HSD17B2: variants seen among roughly 807,000 people sequenced by gnomAD.
HSD17B2 encodes hydroxysteroid 17-beta dehydrogenase 2.
A neutral mutation model predicts 26.9 loss-of-function variants in HSD17B2; 32 were observed. The ratio of observed to expected loss-of-function variants is 1.19; its 90% CI spans 0.90 to 1.60. HSD17B2 has a LOEUF of 1.60. Ranked by LOEUF, HSD17B2 falls within the 40% of genes most tolerant of loss-of-function variation. HSD17B2 has a pLI of 0.00. For missense variants in HSD17B2, 613 were observed against 468.6 expected (o/e 1.31, Z -2.85); for synonymous variants, 246 against 186.7 (o/e 1.32, Z -2.59).
At chr16:82,093,429 T>C (rs1207742465) in intron 4 of HSD17B2, 2 of 152,230 alleles carry the variant, frequency 1.3e-5, no homozygotes, top group Non-Finnish European at 2.9e-5. Context: ...CTGCACTGTG[T>C]GTAGCTGTAG....
chr16:82,075,816 G>A (rs1007148478), intron 3 of HSD17B2, among the ~76,000 whole-genome samples: 12 of 150,466 alleles, frequency 8.0e-5, no homozygotes, highest in African/African-American at 2.4e-4. Flanking sequence ...GATTGTACTC[G>A]AGTATTCTGA....
At chr16:82,060,535 G>T (rs1914404390) in intron 1 of HSD17B2, among the ~76,000 whole-genome samples, 1 of 152,180 alleles carries the variant, frequency 6.6e-6, no homozygotes, top group Admixed American at 6.5e-5. Flanking sequence ...GGGTTTTCAG[G>T]TACAATCTCC....
intron 4 of HSD17B2, chr16:82,096,496 T>C (rs1419012055): frequency 6.6e-6 from 1 of 152,200 alleles, no homozygotes; most frequent in Non-Finnish European, 1.5e-5. Context: ...AGTGCTGGGA[T>C]TGCAGGCATG....
chr16:82,057,192 C>CTCTTT (rs772816676), intron 1 of HSD17B2, among the ~76,000 whole-genome samples: 3 of 151,436 alleles, frequency 2.0e-5, no homozygotes, highest in Non-Finnish European at 4.4e-5. Context: ...TCCCCACTTT[C>CTCTTT]TCTTTTCTTT....
At chr16:82,093,980 A>G (rs1169665513) in intron 4 of HSD17B2, 1 of 152,206 alleles carries the variant, frequency 6.6e-6, no homozygotes, top group African/African-American at 2.4e-5. Flanking sequence ...AGTGTCTTTT[A>G]GCATGCTAAT....
intron 1 of HSD17B2, among the ~76,000 whole-genome samples, chr16:82,049,008 T>G (rs1376912165): frequency 6.6e-6 from 1 of 152,202 alleles, no homozygotes; most frequent in Admixed American, 6.5e-5. Context: ...TCCTGGCTAC[T>G]TTCTGGGCTG....
At chr16:82,071,526 T>C in intron 3 of HSD17B2, 1 of 315,730 alleles carries the variant, frequency 3.2e-6, no homozygotes, top group Non-Finnish European at 6.1e-6. Flanking sequence ...GAGTAGGCAA[T>C]ACCTTCCCTC....
intron 1 of HSD17B2, among the ~76,000 whole-genome samples, chr16:82,047,826 G>A (rs7201121): frequency 0.1 from 15,687 of 152,162 alleles, 2,516 homozygotes; most frequent in African/African-American, 0.34. Flanking sequence ...GCTCCATGCA[G>A]GGAGGCACTA....
intron 1 of HSD17B2, chr16:82,056,427 C>T (rs1914270620): frequency 6.6e-6 from 1 of 152,094 alleles, no homozygotes; most frequent in South Asian, 2.1e-4. Flanking sequence ...ATTAACCAAG[C>T]CACAGGAAAA....
chr16:82,054,955 CT>C (rs1914221667), intron 1 of HSD17B2, among the ~76,000 whole-genome samples: 2 of 152,240 alleles, frequency 1.3e-5, no homozygotes, highest in Non-Finnish European at 1.5e-5. Context: ...CCTCGGCTCT[CT>C]TAACATTTGA....
At chr16:82,083,904 C>G (rs991075546) in intron 3 of HSD17B2, among the ~76,000 whole-genome samples, 1 of 152,136 alleles carries the variant, frequency 6.6e-6, no homozygotes, top group African/African-American at 2.4e-5. Context: ...AAATATTTAA[C>G]CAAGTATCAG....
At position 82,091,038 on chromosome 16, in the gene HSD17B2, A is replaced by G; in HGVS notation, c.801A>G (p.Thr267=). 6.2e-7 allele frequency: 1 copy of G among 1,613,844 alleles called. No homozygotes were observed. Among genetic ancestry groups the G allele is most frequent in the Non-Finnish European group, 8.5e-7 (1 of 1,179,814 alleles). The change falls in exon 4 of 5, where the codon ACA becomes ACG. Residue 267 remains threonine (T), a splice_region_variant and synonymous_variant. Coordinates refer to ENST00000199936, the MANE Select transcript of HSD17B2 (RefSeq NM_002153.3). ...VASIQPGGFL[T]NIAGTSDKWE... ...CCATCCAACCTGGAGGCTTCCTAACAAGTAGGTTTCTGAGCCCAAGAACCT... is the reference window on the plus strand; with the variant it reads ...CCATCCAACCTGGAGGCTTCCTAACGAGTAGGTTTCTGAGCCCAAGAACCT...
At position 82,085,915 on chromosome 16, in the gene HSD17B2, C is replaced by T. The variant is rs917540468; in HGVS notation, c.665-4987C>T. Among the ~76,000 whole-genome samples the T allele has an allele frequency of 4.6e-5, 7 of 151,762 alleles. No individual in the cohort carries two copies. In the South Asian group the frequency reaches 6.2e-4, roughly 14 times the overall value. ...CCCCTAAAATGGCCGTAATGAAAAA[C>T]CACCATAATATAATATACACCCTAA... On this transcript the variant is annotated intron_variant, in intron 3 of 4. Coordinates refer to ENST00000199936, the MANE Select transcript of HSD17B2 (RefSeq NM_002153.3).
Position 82,035,304 on chromosome 16 carries a change from G to C in HSD17B2, c.-121G>C. 1 of 838,688 alleles carries C rather than the reference G, an allele frequency of 1.2e-6. No homozygotes were observed. Among genetic ancestry groups the C allele is most frequent in the South Asian group, 1.7e-5 (1 of 59,314 alleles). The allele number at this position is 838,688 out of a possible 1,614,324, so 52.0% of individuals were successfully genotyped here. ...ATCTATGCTCAGTTGAAAGGGGCTGGGGCTGCTTTCTCCCCTCCCTTCTTG... is the reference window on the plus strand; with the variant it reads ...ATCTATGCTCAGTTGAAAGGGGCTGCGGCTGCTTTCTCCCCTCCCTTCTTG... On this transcript the variant is annotated 5_prime_UTR_variant, in exon 1 of 5. Coordinates refer to ENST00000199936, the MANE Select transcript of HSD17B2 (RefSeq NM_002153.3).
Position 82,068,372 on chromosome 16 carries a change from G to A in HSD17B2, c.468G>A (p.Leu156=). The change falls in exon 2 of 5, where the codon CTG becomes CTA. Residue 156 remains leucine, a synonymous_variant. Transcript: ENST00000199936. ...KDAYSKVAAM[L]QDRGLWAVIN... The stretch of plus-strand genomic sequence containing the variant: ...CTTACAGCAAGGTTGCAGCAATGCT[G>A]CAGGACAGAGGTACTGCCGCCAGCA... 6.2e-7 allele frequency: 1 copy of A among 1,611,396 alleles called. No individual in the cohort carries two copies. The highest frequency in any genetic ancestry group is 8.5e-7 in the Non-Finnish European group (1 of 1,179,298).
At chr16:82,084,739 G>A (rs1168190124) in intron 3 of HSD17B2, among the ~76,000 whole-genome samples, 1 of 152,112 alleles carries the variant, frequency 6.6e-6, no homozygotes, top group Admixed American at 6.5e-5. Flanking sequence ...AAGAGTTGAA[G>A]ATAAACCCCT....
intron 3 of HSD17B2, among the ~76,000 whole-genome samples, chr16:82,084,409 G>C (rs1904464479): frequency 6.6e-6 from 1 of 152,046 alleles, no homozygotes; most frequent in Admixed American, 6.6e-5. Context: ...GAAAACCTCT[G>C]ATCTTGGCTG....
intron 1 of HSD17B2, among the ~76,000 whole-genome samples, chr16:82,060,467 G>A (rs1423978923): frequency 6.6e-6 from 1 of 152,228 alleles, no homozygotes; most frequent in African/African-American, 2.4e-5. Context: ...CTCAGCTGAT[G>A]GGTCCCTTGT....
chr16:82,048,651 G>C (rs1914009614), intron 1 of HSD17B2, among the ~76,000 whole-genome samples: 1 of 152,184 alleles, frequency 6.6e-6, no homozygotes, highest in African/African-American at 2.4e-5. Flanking sequence ...TGAACTAGGA[G>C]GCTGTTGCTT....
Sources: gnomAD v4.1 joint callset for allele counts (sites outside exome capture counted in the v4.1 genomes callset) on GRCh38, gnomAD v4.1.1 for gene constraint, MANE v1.5 for transcripts, NCBI Gene and HGNC (gene_info 2026-07-23, HGNC 2026-07-21) for gene names.